The following BTBD7 variants were observed in gnomAD, a reference collection of about 807,000 sequenced individuals.
BTBD7 encodes the protein BTB domain containing 7, also known as BTB/POZ domain-containing protein 7.
A neutral mutation model predicts 99.9 loss-of-function variants in BTBD7; 38 were observed. That is an observed-to-expected ratio of 0.38 (90% CI 0.29 to 0.50). BTBD7 has a LOEUF of 0.50. BTBD7 is among the 20% of genes least tolerant of loss of function. The pLI is 0.93. For missense variants in BTBD7, 1,170 were observed against 1,394.6 expected, an observed-to-expected ratio of 0.84 and a Z score of 2.57; for synonymous variants, 520 against 511.4, an observed-to-expected ratio of 1.02 and a Z score of -0.23.
rs1411528149 is a variant in BTBD7, at chr14:93,332,836, G to A, written c.-123C>T. On this transcript the variant is annotated 5_prime_UTR_variant, in exon 1 of 11. Transcript: ENST00000334746. ...GACACTCACCCCGGAGGCTCCTCCC[G>A]CCGCTGCTGCTGCCGCTGGGACCGC... is the stretch of plus-strand genomic sequence containing the variant. 6.8e-7 allele frequency: 1 copy of A among 1,477,078 alleles called. No homozygotes were observed. Among genetic ancestry groups the A allele is most frequent in the Non-Finnish European group, 8.9e-7 (1 of 1,120,338 alleles). The allele number at this position is 1,477,078 out of a possible 1,614,324, so 91.5% of individuals were successfully genotyped here. A position where few individuals can be genotyped will look rare whatever the true frequency, so the allele number is the denominator to read the frequency against.
At position 93,243,088 on chromosome 14, in the gene BTBD7, G is replaced by A. The variant is rs1378972358; in HGVS notation, c.2584C>T (p.Arg862Ter). ...AAAAASEKQV[R>*]TQPVLNDLMP... ...AGATCATTCAGCACAGGTTGTGTTC[G>A]CTGCAGACAGAGACAAAAATGGTGG... Residue 862 changes from arginine to a stop codon, truncating the protein, a stop_gained and splice_region_variant, in exon 11 of 11, where the codon CGA becomes TGA. Transcript: ENST00000334746. LOFTEE classifies it high-confidence loss of function. 3.1e-6 allele frequency: 5 copies of A among 1,603,870 alleles called. No homozygotes were observed. The highest frequency in any genetic ancestry group is 2.6e-6 in the Non-Finnish European group (3 of 1,172,324).
chr14:93,295,870 A>C (rs1179814133), intron 2 of BTBD7, 100 bp downstream of exon 2: 33 of 1,060,150 alleles, frequency 3.1e-5, no homozygotes, highest in Non-Finnish European at 4.4e-5. Context: ...AATTATTATA[A>C]TAACTACAGC....
rs1161526763 is a variant in BTBD7 at position 93,239,242 on chromosome 14, T to G, written c.*3031A>C. 1 of 152,588 alleles carries G rather than the reference T, an allele frequency of 6.6e-6. No homozygotes were observed. Among genetic ancestry groups the G allele is most frequent in the African/African-American group, 2.4e-5 (1 of 41,414 alleles). The allele number at this position is 152,588 out of a possible 1,614,324, so 9.5% of individuals were successfully genotyped here. ...AAGACCAACAGCATCTTTAAGAAACTTGAACGTCCTCTCGGCTCTAGCGTG... is the reference window on the plus strand; with the variant it reads ...AAGACCAACAGCATCTTTAAGAAACGTGAACGTCCTCTCGGCTCTAGCGTG... On this transcript the variant is annotated 3_prime_UTR_variant, in exon 11 of 11. Coordinates refer to ENST00000334746, the MANE Select transcript of BTBD7 (RefSeq NM_001002860.4).
chr14:93,245,968 G>C lies in BTBD7; in HGVS notation c.2440C>G (p.Pro814Ala), dbSNP rs201407664. The C allele has an allele frequency of 5.2e-4, 839 of 1,614,156 alleles. 7 individuals are homozygous for C. The highest frequency in any genetic ancestry group is 1.1e-4 in the Non-Finnish European group (132 of 1,180,044). The change falls in exon 10 of 11, where the codon CCA becomes GCA. Residue 814 changes from proline to alanine, a missense_variant. Physicochemically the swap from Pro to Ala is conservative, Grantham distance 27. Transcript: ENST00000334746. ...SRTAPKAGPP[P>A]VYLPSVKAAP... ...GCTTTCACACTCGGCAAGTAGACTG[G>C]GGGAGGGCCAGCTTTAGGAGCTGTT...
In BTBD7 at chr14:93,245,843, T is replaced by C. The variant is rs778188665; in HGVS notation, c.2565A>G (p.Ala855=). Residue 855 remains alanine, a synonymous_variant, in exon 10 of 11, where the codon GCA becomes GCG. Transcript: ENST00000334746. Reference sequence around the variant, plus strand: ...GACTTACCACTTGCTTCTCAGATGCTGCTGCTGCTGCTGCTGTTGCTGTTG... The same window carrying C: ...GACTTACCACTTGCTTCTCAGATGCCGCTGCTGCTGCTGCTGTTGCTGTTG... ...TTSTATAAAA[A]ASEKQVRTQP... The C allele has an allele frequency of 1.9e-6, 3 of 1,612,588 alleles. No homozygotes were observed. Among genetic ancestry groups the C allele is most frequent in the Non-Finnish European group, 2.5e-6 (3 of 1,179,184 alleles).
At position 93,303,131 on chromosome 14, in the gene BTBD7, T is replaced by C. The variant is rs544150731; in HGVS notation, c.-106-6974A>G. On this transcript the variant is annotated intron_variant, in intron 1 of 10. Coordinates refer to ENST00000334746, the MANE Select transcript of BTBD7 (RefSeq NM_001002860.4). The stretch of plus-strand genomic sequence containing the variant: ...GCAAAGCAGCACCATTATACTTCTG[T>C]TACAGAAAGACTACTGGAAGATGCT... 3.3e-4 allele frequency among the ~76,000 whole-genome samples: 50 copies of C among 152,278 alleles called. No individual in the cohort carries two copies. The South Asian group carries it at 7.0e-3, about 21-fold the overall frequency.
At chr14:93,315,222 T>C (rs370679613) in intron 1 of BTBD7, among the ~76,000 whole-genome samples, 2 of 152,336 alleles carry the variant, frequency 1.3e-5, no homozygotes, top group East Asian at 1.9e-4. Flanking sequence ...TATTCTTCTA[T>C]TAAGGAGGAA....
In BTBD7 at chr14:93,242,303, C is replaced by T. The variant is rs911479784; in HGVS notation, c.3369G>A (p.Pro1123=). The T allele has an allele frequency of 1.2e-5, 20 of 1,613,918 alleles. No homozygotes were observed. Among genetic ancestry groups the T allele is most frequent in the Admixed American group, 3.3e-5 (2 of 60,006 alleles). Residue 1123 remains proline, a synonymous_variant, in exon 11 of 11, where the codon CCG becomes CCA. Transcript: ENST00000334746. ...GGGCAGACTTTTTGTAGAGGAAGTCCGGCTTGCTTGGTGACCTCCTTCCTC... is the reference window on the plus strand; with the variant it reads ...GGGCAGACTTTTTGTAGAGGAAGTCTGGCTTGCTTGGTGACCTCCTTCCTC... The part of the protein sequence containing the change: ...ISRGRRSPSK[P]DFLYKKSAL
intron 3 of BTBD7, among the ~76,000 whole-genome samples, chr14:93,283,494 C>T (rs758143122): frequency 6.6e-5 from 10 of 152,182 alleles, no homozygotes; most frequent in Non-Finnish European, 1.5e-4. Flanking sequence ...CTACCTGATA[C>T]ATATTTACAT....
chr14:93,286,380 C>G (rs2052777036), intron 3 of BTBD7, among the ~76,000 whole-genome samples: 2 of 152,192 alleles, frequency 1.3e-5, no homozygotes, highest in African/African-American at 4.8e-5. Context: ...TACAAAGCCC[C>G]TGTTCTCTGG....
At chr14:93,270,982 TC>T (rs1253602020) in intron 3 of BTBD7, among the ~76,000 whole-genome samples, 1 of 152,172 alleles carries the variant, frequency 6.6e-6, no homozygotes, top group Non-Finnish European at 1.5e-5. Context: ...AAAAATACCT[TC>T]CCTCAAAAAA....
rs1422383736 is a variant in BTBD7 at position 93,237,960 on chromosome 14, G to A, written c.*4313C>T. 3 of 152,482 alleles carry A rather than the reference G, an allele frequency of 2.0e-5. No individual in the cohort carries two copies. The allele number at this position is 152,482 out of a possible 1,614,324, so 9.4% of individuals were successfully genotyped here. A position where few individuals can be genotyped will look rare whatever the true frequency, so the allele number is the denominator to read the frequency against. On this transcript the variant is annotated 3_prime_UTR_variant, in exon 11 of 11. Transcript: ENST00000334746. ...GTAGATGATTTTCCACCTCTCTGAA[G>A]TACAGATGTGGTGCATACACAGCAA...
At chr14:93,324,428 A>AAAATAAAAAAAAAAT (rs371147922) in intron 1 of BTBD7, among the ~76,000 whole-genome samples, 3 of 151,296 alleles carry the variant, frequency 2.0e-5, no homozygotes, top group Non-Finnish European at 2.9e-5. Flanking sequence ...TCTCAAAAAA[A>AAAATAAAAAAAAAAT]AAAAAAAGAG....
intron 3 of BTBD7, among the ~76,000 whole-genome samples, chr14:93,269,511 T>A (rs2139717683): frequency 6.6e-6 from 1 of 152,278 alleles, no homozygotes; most frequent in Non-Finnish European, 1.5e-5. Flanking sequence ...CATGCGTAGA[T>A]CAGAATGCTT....
chr14:93,283,921 T>A (rs902637009), intron 3 of BTBD7, among the ~76,000 whole-genome samples: 1 of 152,206 alleles, frequency 6.6e-6, no homozygotes, highest in Non-Finnish European at 1.5e-5. Context: ...AAAGAAATAC[T>A]GGCAACTCCT....
At chr14:93,287,085 C>T (rs1334756398) in intron 3 of BTBD7, among the ~76,000 whole-genome samples, 2 of 151,896 alleles carry the variant, frequency 1.3e-5, no homozygotes, top group South Asian at 2.1e-4. Flanking sequence ...AAAAATTAGC[C>T]GGGCATGGTG....
In BTBD7 at chr14:93,271,961, T is replaced by C. The variant is rs117952823; in HGVS notation, c.1163-7968A>G. Among the ~76,000 whole-genome samples, 657 of 151,016 alleles carry C rather than the reference T, an allele frequency of 4.4e-3. 19 individuals carry two copies. The East Asian group carries it at 0.075, about 17-fold the overall frequency. On this transcript the variant is annotated intron_variant, in intron 3 of 10. Transcript: ENST00000334746. The stretch of plus-strand genomic sequence containing the variant: ...GTAGAGGTTGCAGTGAGCCAAGAGA[T>C]GCCATTGTACTCCAGCTTGAATGAC...
intron 3 of BTBD7, among the ~76,000 whole-genome samples, chr14:93,265,222 G>A (rs1244152450): frequency 6.6e-6 from 1 of 152,200 alleles, no homozygotes; most frequent in Non-Finnish European, 1.5e-5. Flanking sequence ...TAAAGATAAA[G>A]GGAGTGAATC....
intron 3 of BTBD7, among the ~76,000 whole-genome samples, chr14:93,264,221 A>T (rs2052518961): frequency 6.6e-6 from 1 of 152,224 alleles, no homozygotes; most frequent in African/African-American, 2.4e-5. Flanking sequence ...AAAGGCAGAG[A>T]ATCCTCCCAA....
Sources: allele counts gnomAD v4.1 joint callset (sites outside exome capture counted in the v4.1 genomes callset), GRCh38; gene constraint gnomAD v4.1.1; transcripts MANE v1.5; gene names NCBI Gene and HGNC (gene_info 2026-07-23, HGNC 2026-07-21).